Variants in UTY observed in about 807,000 individuals in gnomAD.
The protein encoded by UTY is histone demethylase UTY.
In UTY, 12 loss-of-function variants were observed where a neutral mutation model predicts 32.5. That is an observed-to-expected ratio of 0.37 (90% CI 0.24 to 0.60). The LOEUF (loss-of-function observed/expected upper bound fraction) is 0.60, where lower values mean the gene tolerates loss of function less well. Among genes scored for constraint, UTY ranks in the 20% least tolerant of loss-of-function variants. The pLI is 0.69. For missense variants in UTY, 303 were observed against 299.2 expected (o/e 1.01, Z -0.09); for synonymous variants, 131 against 103.4 (o/e 1.27, Z -1.62).
intron 21 of UTY, among the ~76,000 whole-genome samples, chrY:13,314,663 G>C: frequency 3.0e-5 from 1 of 33,413 alleles, no homozygotes; most frequent in Non-Finnish European, 7.4e-5. Flanking sequence ...AACCAAAGTT[G>C]GTTCTTTATC....
chrY:13,339,802 G>A, intron 17 of UTY, among the ~76,000 whole-genome samples: 1 of 32,779 alleles, frequency 3.1e-5, no homozygotes, highest in Non-Finnish European at 7.5e-5. Context: ...CCAGTTCCAC[G>A]GCTGCAGTGA....
intron 17 of UTY, among the ~76,000 whole-genome samples, chrY:13,349,288 GA>G (rs2062168383): frequency 3.1e-5 from 1 of 32,446 alleles, no homozygotes. Flanking sequence ...ACGACAGACA[GA>G]AAATACTCAA....
chrY:13,366,312 A>C lies in UTY; in HGVS notation c.821T>G (p.Leu274Trp), dbSNP rs1229456621. 1 of 395,203 alleles carries C rather than the reference A, an allele frequency of 2.5e-6. No homozygotes were observed. ...TTGGCCAGAATTAGGATCTGCCTCC[A>C]AAGACTTTTGGAGATACTGAATAGC... ...SYAIQYLQKS[L>W]EADPNSGQSW... Residue 274 changes from leucine (L) to tryptophan (W), a missense_variant, in exon 10 of 30, where the codon TTG (leucine) becomes TGG (tryptophan). Leu to Trp is a moderately conservative substitution (Grantham distance 61, BLOSUM62 -2). Coordinates refer to ENST00000545955, the MANE Select transcript of UTY (RefSeq NM_001258249.2).
At chrY:13,266,071 G>A (rs2055758633) in intron 27 of UTY, among the ~76,000 whole-genome samples, 1 of 32,576 alleles carries the variant, frequency 3.1e-5, no homozygotes, top group South Asian at 6.9e-4. Context: ...GGTGGCTCAC[G>A]CTTTCAGAAA....
At chrY:13,269,012 T>TGA (rs2056067829) in intron 27 of UTY, among the ~76,000 whole-genome samples, 1 of 33,290 alleles carries the variant, frequency 3.0e-5, no homozygotes. Flanking sequence ...TTCAGGGACC[T>TGA]ACTTGGGGAG....
At chrY:13,357,844 G>T in intron 15 of UTY, 33 bp downstream of exon 15, 1 of 354,703 alleles carries the variant, frequency 2.8e-6, no homozygotes, top group Non-Finnish European at 4.1e-6. Context: ...TACTGCTTTC[G>T]AATTGGGGGA....
At chrY:13,247,646 G>C, downstream of UTY, among the ~76,000 whole-genome samples, 1 of 33,222 alleles carries the variant, frequency 3.0e-5, no homozygotes, top group African/African-American at 1.2e-4. Flanking sequence ...AGGTTGCAGT[G>C]AGCCAAGATC....
At chrY:13,252,097 G>A (rs1463178298) in intron 28 of UTY, among the ~76,000 whole-genome samples, 4 of 26,481 alleles carry the variant, frequency 1.5e-4, no homozygotes, top group Non-Finnish European at 3.6e-4. Context: ...GGAGGATGGC[G>A]TGAACCCGGG....
At chrY:13,298,646 C>G (rs769765245) in intron 26 of UTY, among the ~76,000 whole-genome samples, 1 of 26,239 alleles carries the variant, frequency 3.8e-5, no homozygotes, top group African/African-American at 1.5e-4. Context: ...CCCAGCTACT[C>G]AGGAGGCTGA....
intron 18 of UTY, among the ~76,000 whole-genome samples, chrY:13,329,098 C>T (rs2148988049): frequency 3.0e-5 from 1 of 33,300 alleles, no homozygotes; most frequent in South Asian, 6.4e-4. Context: ...ACGATGGTTT[C>T]TAATAAAATA....
At chrY:13,424,781 G>T in intron 4 of UTY, among the ~76,000 whole-genome samples, 1 of 33,696 alleles carries the variant, frequency 3.0e-5, no homozygotes, top group Non-Finnish European at 7.4e-5. Context: ...AGCAGCCTAG[G>T]CAATGTACTA....
chrY:13,413,493 G>A, intron 5 of UTY, among the ~76,000 whole-genome samples: 3 of 33,906 alleles, frequency 8.8e-5, no homozygotes, highest in Admixed American at 2.6e-4. Context: ...GTGAGGGAGC[G>A]GTAATACCAA....
chrY:13,290,641 C>T (rs2057709086), intron 27 of UTY, among the ~76,000 whole-genome samples: 1 of 32,862 alleles, frequency 3.0e-5, no homozygotes, highest in African/African-American at 1.2e-4. Context: ...CTTGGCTCAC[C>T]GTAACCTCTG....
chrY:13,328,738 A>C, intron 18 of UTY, among the ~76,000 whole-genome samples: 2 of 33,333 alleles, frequency 6.0e-5, no homozygotes, highest in Non-Finnish European at 1.5e-4. Flanking sequence ...AGCCACAGAT[A>C]CTTACAATAT....
At chrY:13,295,918 A>G in intron 27 of UTY, among the ~76,000 whole-genome samples, 2 of 33,939 alleles carry the variant, frequency 5.9e-5, no homozygotes, top group Non-Finnish European at 1.5e-4. Flanking sequence ...GACTGCTCTC[A>G]TGGGTTAAAG....
At chrY:13,354,896 T>C in intron 17 of UTY, 107 bp downstream of exon 17, 1 of 363,568 alleles carries the variant, frequency 2.8e-6, no homozygotes, top group African/African-American at 6.4e-5. Flanking sequence ...AATTACTTTT[T>C]AAAGACAAAG....
At chrY:13,316,308 CTTATT>C (rs2059484828) in intron 21 of UTY, among the ~76,000 whole-genome samples, 2 of 33,496 alleles carry the variant, frequency 6.0e-5, no homozygotes, top group Non-Finnish European at 1.5e-4. Flanking sequence ...TGCTGTACAA[CTTATT>C]TTATTTTATT....
intron 4 of UTY, among the ~76,000 whole-genome samples, chrY:13,443,109 A>G (rs112810208): frequency 0.16 from 5,279 of 33,310 alleles, no homozygotes; most frequent in Middle Eastern, 0.37. Context: ...AAGCTTTTAA[A>G]GGGGGGAATG....
intron 17 of UTY, among the ~76,000 whole-genome samples, chrY:13,353,113 G>A (rs1603429779): frequency 5.8e-5 from 2 of 34,456 alleles, no homozygotes; most frequent in East Asian, 1.5e-3. Flanking sequence ...GGAAGAAGAT[G>A]TGATTTAGGT....
Sources: gnomAD v4.1 joint callset for allele counts (sites outside exome capture counted in the v4.1 genomes callset) on GRCh38, gnomAD v4.1.1 for gene constraint, MANE v1.5 for transcripts, NCBI Gene and HGNC (gene_info 2026-07-23, HGNC 2026-07-21) for gene names.